Variants in PLPBP observed in about 807,000 individuals in gnomAD.
PLPBP encodes the protein pyridoxal phosphate binding protein, also known as pyridoxal phosphate homeostasis protein.
PLPBP carries 21 observed loss-of-function variants against 31.2 expected under a neutral mutation model. The ratio of observed to expected loss-of-function variants is 0.67; its 90% CI spans 0.48 to 0.97. The LOEUF (loss-of-function observed/expected upper bound fraction) is 0.97, where lower values mean the gene tolerates loss of function less well. PLPBP is among the 50% of genes least tolerant of loss of function. The pLI, the probability that PLPBP is intolerant of heterozygous loss-of-function variation, is 0.00. For synonymous variants in PLPBP, 124 were observed against 135.6 expected (o/e 0.91, Z 0.59); for missense variants, 308 against 354.4 (o/e 0.87, Z 1.05).
At chr8:37,773,431 A>G (rs973303979) in intron 5 of PLPBP, among the ~76,000 whole-genome samples, 4 of 150,230 alleles carry the variant, frequency 2.7e-5, no homozygotes, top group African/African-American at 9.8e-5. Flanking sequence ...CGGCCTCCCA[A>G]AGTGCTGGGA....
intron 1 of PLPBP, among the ~76,000 whole-genome samples, chr8:37,764,038 G>T (rs141710844): frequency 1.4e-4 from 21 of 149,984 alleles, no homozygotes; most frequent in African/African-American, 4.4e-4. Flanking sequence ...TTTTTGTGTC[G>T]CAGCCTTAGT....
Position 37,762,717 on chromosome 8 carries a change from G to A in PLPBP, c.58G>A (p.Val20Met). ...ELGVGCALRAVNERVQQAVAR... is the reference protein window; with the variant it reads ...ELGVGCALRAMNERVQQAVAR... The stretch of plus-strand genomic sequence containing the variant: ...GGGAGTCGGGTGCGCATTGCGGGCG[G>A]TGAACGAGCGCGTGCAGCAGGCTGT... Residue 20 changes from valine (V) to methionine (M), a missense_variant, in exon 1 of 8, where the codon GTG becomes ATG. This residue lies in a region of PLPBP where 120 missense variants were observed against 95.1 expected (regional missense o/e 1.26). Coordinates refer to ENST00000328195, the MANE Select transcript of PLPBP (RefSeq NM_007198.4). 6.3e-7 allele frequency: 1 copy of A among 1,588,950 alleles called. No individual in the cohort carries two copies. Among genetic ancestry groups the A allele is most frequent in the Non-Finnish European group, 8.5e-7 (1 of 1,172,452 alleles).
intron 4 of PLPBP, among the ~76,000 whole-genome samples, chr8:37,770,088 C>T (rs916974571): frequency 1.5e-4 from 23 of 152,318 alleles, no homozygotes; most frequent in African/African-American, 5.5e-4. Context: ...AGATCCAGTG[C>T]AGTCCCTATC....
At chr8:37,767,550 T>A (rs1803664324) in intron 4 of PLPBP, among the ~76,000 whole-genome samples, 1 of 152,238 alleles carries the variant, frequency 6.6e-6, no homozygotes. Flanking sequence ...AGTATTCCAT[T>A]GTATAAGTAT....
intron 4 of PLPBP, 30 bp downstream of exon 4, chr8:37,766,385 T>C (rs375677164): frequency 1.6e-4 from 247 of 1,581,654 alleles, no homozygotes; most frequent in Non-Finnish European, 2.1e-4. Context: ...GAAAACAAAA[T>C]TGTTCTGTCA....
At chr8:37,762,562 G>C (rs750962889), upstream of PLPBP, 1 of 1,492,846 alleles carries the variant, frequency 6.7e-7, no homozygotes, top group Non-Finnish European at 8.9e-7. Flanking sequence ...TCAATGATGA[G>C]CAATGATTGG....
At position 37,773,262 on chromosome 8, in the gene PLPBP, G is replaced by A. The variant is rs548268058; in HGVS notation, c.454+373G>A. ...GGCTCACTGCAACCTCCGCCTCCCG[G>A]GTTGAAGCAATTCTCCCACCTCAGC... On this transcript the variant is annotated intron_variant, in intron 5 of 7. Transcript: ENST00000328195. Among the ~76,000 whole-genome samples, 7 of 152,046 alleles carry A rather than the reference G, an allele frequency of 4.6e-5. 1 individual carries two copies. In the South Asian group the frequency reaches 1.5e-3, roughly 32 times the overall value.
rs371407450 is a variant in PLPBP at position 37,762,651 on chromosome 8, C to G, written c.-9C>G. The G allele has an allele frequency of 1.3e-6, 2 of 1,571,246 alleles. No individual in the cohort carries two copies. Among genetic ancestry groups the G allele is most frequent in the Middle Eastern group, 1.7e-4 (1 of 5,748 alleles). On this transcript the variant is annotated 5_prime_UTR_variant, in exon 1 of 8. Coordinates refer to ENST00000328195, the MANE Select transcript of PLPBP (RefSeq NM_007198.4). Reference sequence around the variant, plus strand: ...CGGGGGCCTGGGGCTCGGCGTCGGTCCCCGGGGGATGTGGAGAGCTGGCAG... The same window carrying G: ...CGGGGGCCTGGGGCTCGGCGTCGGTGCCCGGGGGATGTGGAGAGCTGGCAG...
chr8:37,765,492 A>G (rs1803599675), intron 1 of PLPBP, 34 bp from the exon 2 acceptor site: 1 of 1,589,000 alleles, frequency 6.3e-7, no homozygotes, highest in African/African-American at 1.3e-5. Flanking sequence ...CTGTTCCCAA[A>G]CATTCACTCA....
At chr8:37,767,428 C>G (rs566235331) in intron 4 of PLPBP, among the ~76,000 whole-genome samples, 1 of 152,244 alleles carries the variant, frequency 6.6e-6, no homozygotes, top group Admixed American at 6.5e-5. Context: ...AGAGTTTTAT[C>G]CAAAGGGAAT....
At chr8:37,773,555 G>A (rs1185011405) in intron 5 of PLPBP, among the ~76,000 whole-genome samples, 5 of 147,504 alleles carry the variant, frequency 3.4e-5, no homozygotes, top group East Asian at 4.1e-4. Flanking sequence ...TGCAACCTCC[G>A]CCTCCTGGGT....
rs1325651591 is a variant in PLPBP at position 37,772,741 on chromosome 8, C to CT, written c.320-13dup. ...GCAAATAAGGAATACTACTTTGCCT[C>CT]TGTCTCATTACAGCTGTCCCCAATC... is the stretch of plus-strand genomic sequence containing the variant. On this transcript the variant is annotated splice_polypyrimidine_tract_variant and intron_variant, in intron 4 of 7. Coordinates refer to ENST00000328195, the MANE Select transcript of PLPBP (RefSeq NM_007198.4). The CT allele has an allele frequency of 4.3e-6, 7 of 1,614,132 alleles. No individual in the cohort carries two copies. The highest frequency in any genetic ancestry group is 5.9e-6 in the Non-Finnish European group (7 of 1,179,982).
intron 1 of PLPBP, among the ~76,000 whole-genome samples, chr8:37,764,071 C>CTTTTTTTTTTTTTTT (rs111913973): frequency 7.9e-6 from 1 of 126,898 alleles, no homozygotes. Context: ...TCTTTTCTTT[C>CTTTTTTTTTTTTTTT]TTTTTTTTTT....
intron 4 of PLPBP, among the ~76,000 whole-genome samples, chr8:37,768,666 G>A (rs991637593): frequency 2.0e-5 from 3 of 151,672 alleles, no homozygotes; most frequent in Admixed American, 1.3e-4. Flanking sequence ...GTAGAGATGC[G>A]GTTTCACCAT....
rs574366484 is a variant in PLPBP at position 37,777,824 on chromosome 8, G to A, written c.697-149G>A. On this transcript the variant is annotated intron_variant, in intron 7 of 7. Coordinates refer to ENST00000328195, the MANE Select transcript of PLPBP (RefSeq NM_007198.4). ...CTGATCTCGTGATCTGCCCACCTCG[G>A]CCTCCCAAAATGCTGGGATTACAGG... 19 of 786,828 alleles carry A rather than the reference G, an allele frequency of 2.4e-5. No individual in the cohort carries two copies. The African/African-American group carries it at 3.2e-4, about 13-fold the overall frequency. 48.7% of individuals were successfully genotyped at this position (786,828 alleles called of 1,614,324 possible).
intron 1 of PLPBP, 140 bp downstream of exon 1, chr8:37,762,898 C>T (rs1482918985): frequency 4.4e-5 from 49 of 1,115,980 alleles, no homozygotes; most frequent in Non-Finnish European, 5.9e-5. Context: ...CACCGAAAGG[C>T]TAGCGAAGGG....
At chr8:37,768,392 G>T (rs1803688426) in intron 4 of PLPBP, among the ~76,000 whole-genome samples, 1 of 150,346 alleles carries the variant, frequency 6.7e-6, no homozygotes, top group Non-Finnish European at 1.5e-5. Flanking sequence ...AAGAGTTATA[G>T]CTTATAAGTC....
At position 37,778,997 on chromosome 8, in the gene PLPBP, T is replaced by TA. The variant is rs1053575009; in HGVS notation, c.*896dup. 13 of 152,080 alleles carry TA rather than the reference T, an allele frequency of 8.5e-5. No homozygotes were observed. The highest frequency in any genetic ancestry group is 1.3e-4 in the Non-Finnish European group (9 of 68,034). 9.4% of individuals were successfully genotyped at this position (152,080 alleles called of 1,614,324 possible). A position where few individuals can be genotyped will look rare whatever the true frequency, so the allele number is the denominator to read the frequency against. ...TCTTCATAGATGCTGTCACATTTCT[T>TA]AAAGCAACCTTTTAATATGCAGATA... On this transcript the variant is annotated 3_prime_UTR_variant, in exon 8 of 8. Coordinates refer to ENST00000328195, the MANE Select transcript of PLPBP (RefSeq NM_007198.4).
At chr8:37,763,029 C>G (rs1803524246) in intron 1 of PLPBP, among the ~76,000 whole-genome samples, 3 of 152,174 alleles carry the variant, frequency 2.0e-5, no homozygotes, top group Admixed American at 6.5e-5. Context: ...CACTTGCGCA[C>G]CGCGTCGTTT....
Sources: allele counts gnomAD v4.1 joint callset (sites outside exome capture counted in the v4.1 genomes callset), GRCh38; gene constraint gnomAD v4.1.1; regional missense constraint gnomAD v4.1.1; transcripts MANE v1.5; gene names NCBI Gene and HGNC (gene_info 2026-07-23, HGNC 2026-07-21).